The following GTF2E1 variants were observed in gnomAD, a reference collection of about 807,000 sequenced individuals.
GTF2E1 encodes general transcription factor IIE subunit 1.
A neutral mutation model predicts 34.9 loss-of-function variants in GTF2E1; 14 were observed. The observed-to-expected ratio is 0.40, with a 90% CI of 0.27 to 0.63. The LOEUF is 0.63. Among genes scored for constraint, GTF2E1 ranks in the 20% least tolerant of loss-of-function variants. The pLI is 0.39. For synonymous variants in GTF2E1, 188 were observed against 192.9 expected, an observed-to-expected ratio of 0.97 and a Z score of 0.21; for missense variants, 469 against 557.7, an observed-to-expected ratio of 0.84 and a Z score of 1.60.
In GTF2E1 at chr3:120,759,977, A is replaced by T. The variant is rs1169880186; in HGVS notation, c.448+8977A>T. Among the ~76,000 whole-genome samples, 11 of 152,316 alleles carry T rather than the reference A, an allele frequency of 7.2e-5. 1 individual carries two copies. The highest frequency in any genetic ancestry group is 3.4e-3 in the Middle Eastern group (1 of 294). The stretch of plus-strand genomic sequence containing the variant: ...GTAGTATTTTCCAATTCTGTGAAGA[A>T]AGTCAGTGGTAGCTTGATGGGGATA... On this transcript the variant is annotated intron_variant, in intron 2 of 4. Transcript: ENST00000283875.
chr3:120,763,795 T>G (rs944451440), intron 2 of GTF2E1, among the ~76,000 whole-genome samples: 43 of 152,158 alleles, frequency 2.8e-4, no homozygotes, highest in African/African-American at 1.0e-3. Context: ...CCGTGTAGAC[T>G]ATTTGTCATA....
intron 2 of GTF2E1, among the ~76,000 whole-genome samples, chr3:120,766,822 C>T (rs770362330): frequency 6.6e-6 from 1 of 152,098 alleles, no homozygotes; most frequent in Non-Finnish European, 1.5e-5. Context: ...CTCTCAGTAG[C>T]GTGGGTGCCT....
At chr3:120,771,625 C>A (rs779185778) in intron 3 of GTF2E1, among the ~76,000 whole-genome samples, 1 of 152,062 alleles carries the variant, frequency 6.6e-6, no homozygotes, top group Non-Finnish European at 1.5e-5. Context: ...TTCACTTCAC[C>A]CACTCCCTTC....
chr3:120,744,880 C>T lies in GTF2E1; in HGVS notation c.-31+2086C>T, dbSNP rs558758090. The stretch of plus-strand genomic sequence containing the variant: ...AAGCAGAACACTTTGCATTAATTAT[C>T]TCACTGAGTTCATACATTAACTGTG... On this transcript the variant is annotated intron_variant, in intron 1 of 4. Transcript: ENST00000283875. Among the ~76,000 whole-genome samples the T allele has an allele frequency of 2.0e-5, 3 of 152,162 alleles. No individual in the cohort carries two copies. The East Asian group carries it at 5.8e-4, about 29-fold the overall frequency.
chr3:120,759,006 A>G (rs1359719809), intron 2 of GTF2E1, among the ~76,000 whole-genome samples: 1 of 152,174 alleles, frequency 6.6e-6, no homozygotes, highest in Non-Finnish European at 1.5e-5. Context: ...AGTCTTCCAC[A>G]ATGGTTGAAC....
intron 3 of GTF2E1, among the ~76,000 whole-genome samples, chr3:120,771,702 G>A (rs995564476): frequency 3.9e-5 from 6 of 152,090 alleles, no homozygotes; most frequent in African/African-American, 1.4e-4. Flanking sequence ...TTTATTTCCT[G>A]TGGTACTGAT....
chr3:120,746,952 A>C (rs959627231), intron 1 of GTF2E1, among the ~76,000 whole-genome samples: 1 of 152,076 alleles, frequency 6.6e-6, no homozygotes, highest in Non-Finnish European at 1.5e-5. Context: ...AATCACAACA[A>C]CTCCACTGAG....
chr3:120,762,449 A>T (rs1709272390), intron 2 of GTF2E1, among the ~76,000 whole-genome samples: 1 of 152,184 alleles, frequency 6.6e-6, no homozygotes, highest in African/African-American at 2.4e-5. Context: ...TGTTAAATTG[A>T]TCTCTTTACC....
In GTF2E1 at chr3:120,781,245, T is replaced by C; in HGVS notation, c.1095T>C (p.Ser365=). Residue 365 remains serine (S), a synonymous_variant, in exon 5 of 5, where the codon TCT becomes TCC. Transcript: ENST00000283875. ...AGACCAGTGAGTCAGATGATGATTC[T>C]CCACCCCGTCCGGCAGCTGTGGCTG... is the stretch of plus-strand genomic sequence containing the variant. ...ESETSESDDD[S]PPRPAAVAVH... The C allele has an allele frequency of 1.2e-6, 2 of 1,614,144 alleles. No homozygotes were observed. Among genetic ancestry groups the C allele is most frequent in the Non-Finnish European group, 1.7e-6 (2 of 1,180,002 alleles).
rs142264455 is a variant in GTF2E1, at chr3:120,776,644, G to A, written c.872G>A (p.Gly291Asp). 2.4e-3 allele frequency: 3,817 copies of A among 1,613,372 alleles called. 8 individuals are homozygous for A. The highest frequency in any genetic ancestry group is 3.0e-3 in the Non-Finnish European group (3,534 of 1,179,676). Reference sequence around the variant, plus strand: ...GAAAGCACTGTCCAAGGGGCATATGGTTCTGAAGATATGAAAGAAGGTAAG... The same window carrying A: ...GAAAGCACTGTCCAAGGGGCATATGATTCTGAAGATATGAAAGAAGGTAAG... ...LRESTVQGAYGSEDMKEGGID... is the reference protein window; with the variant it reads ...LRESTVQGAYDSEDMKEGGID... Residue 291 changes from glycine to aspartate, a missense_variant, in exon 4 of 5, where the codon GGT becomes GAT. Coordinates refer to ENST00000283875, the MANE Select transcript of GTF2E1 (RefSeq NM_005513.3).
In GTF2E1 at chr3:120,750,609, G is replaced by A; in HGVS notation, c.57G>A (p.Lys19=). 1 of 1,614,032 alleles carries A rather than the reference G, an allele frequency of 6.2e-7. No homozygotes were observed. The highest frequency in any genetic ancestry group is 8.5e-7 in the Non-Finnish European group (1 of 1,179,942). ...CAGCAGCATTGAAGCGGTTAGCCAA[G>A]TATGTGATCCGGGGATTTTATGGCA... ...EVPAALKRLA[K]YVIRGFYGIE... is the part of the protein sequence containing the mutation. Residue 19 remains lysine (K), a synonymous_variant, in exon 2 of 5, where the codon AAG becomes AAA. Coordinates refer to ENST00000283875, the MANE Select transcript of GTF2E1 (RefSeq NM_005513.3).
intron 2 of GTF2E1, among the ~76,000 whole-genome samples, chr3:120,760,603 A>G (rs1022843351): frequency 5.3e-5 from 8 of 152,182 alleles, no homozygotes; most frequent in Non-Finnish European, 7.3e-5. Context: ...CAGTCCATCA[A>G]TACCTAGTTT....
At chr3:120,772,677 T>G (rs1709363438) in intron 3 of GTF2E1, among the ~76,000 whole-genome samples, 1 of 152,162 alleles carries the variant, frequency 6.6e-6, no homozygotes, top group Non-Finnish European at 1.5e-5. Context: ...AGTATCTGAT[T>G]GCTTCCTACA....
chr3:120,776,959 C>T (rs947088262), intron 4 of GTF2E1, among the ~76,000 whole-genome samples: 5 of 152,210 alleles, frequency 3.3e-5, no homozygotes, highest in African/African-American at 1.2e-4. Context: ...TCAAGGTAGC[C>T]ATACTCACCT....
At chr3:120,765,727 G>A (rs559192892) in intron 2 of GTF2E1, among the ~76,000 whole-genome samples, 13 of 152,304 alleles carry the variant, frequency 8.5e-5, no homozygotes, top group Non-Finnish European at 1.9e-4. Context: ...ATTTGCTTCT[G>A]ATGAATATAT....
chr3:120,754,429 G>T (rs190758248), intron 2 of GTF2E1, among the ~76,000 whole-genome samples: 1 of 152,008 alleles, frequency 6.6e-6, no homozygotes, highest in Non-Finnish European at 1.5e-5. Flanking sequence ...TTTCTATCTA[G>T]TGTTCAAAAT....
rs181467199 is a variant in GTF2E1 at position 120,773,062 on chromosome 3, G to C, written c.650+2133G>C. The stretch of plus-strand genomic sequence containing the variant: ...AAAAATCTGGTCATTAAGAAAAAAG[G>C]GAGGAAATGGAGGCAGACAAGAAAG... On this transcript the variant is annotated intron_variant, in intron 3 of 4. Coordinates refer to ENST00000283875, the MANE Select transcript of GTF2E1 (RefSeq NM_005513.3). 3.5e-3 allele frequency among the ~76,000 whole-genome samples: 538 copies of C among 152,232 alleles called. 3 individuals are homozygous for C. Among genetic ancestry groups the C allele is most frequent in the Middle Eastern group, 0.01 (3 of 294 alleles).
chr3:120,766,716 T>A (rs1352570572), intron 2 of GTF2E1, among the ~76,000 whole-genome samples: 3 of 152,134 alleles, frequency 2.0e-5, no homozygotes, highest in Admixed American at 2.0e-4. Flanking sequence ...GTACTTTATT[T>A]TTTGCACTGA....
At chr3:120,754,401 A>G (rs1328301610) in intron 2 of GTF2E1, among the ~76,000 whole-genome samples, 2 of 152,140 alleles carry the variant, frequency 1.3e-5, no homozygotes, top group Non-Finnish European at 2.9e-5. Context: ...TGGTTTCTTA[A>G]TGTACCAAAC....
Sources: allele counts gnomAD v4.1 joint callset (sites outside exome capture counted in the v4.1 genomes callset), GRCh38; gene constraint gnomAD v4.1.1; transcripts MANE v1.5; gene names NCBI Gene and HGNC (gene_info 2026-07-23, HGNC 2026-07-21).